Variants in ARHGAP8 observed in about 807,000 individuals in gnomAD.
ARHGAP8 encodes the protein Rho GTPase activating protein 8.
In ARHGAP8, 62 loss-of-function variants were observed where a neutral mutation model predicts 46.1. The observed-to-expected ratio is 1.34, with a 90% CI of 1.10 to 1.66. The LOEUF (loss-of-function observed/expected upper bound fraction) is 1.66, where lower values mean the gene tolerates loss of function less well. Ranked by LOEUF, ARHGAP8 falls within the 40% of genes most tolerant of loss-of-function variation. The pLI is 0.00. For synonymous variants in ARHGAP8, 375 were observed against 243.1 expected, an observed-to-expected ratio of 1.54 and a Z score of -5.05; for missense variants, 923 against 568.4, an observed-to-expected ratio of 1.62 and a Z score of -6.34.
intron 2 of ARHGAP8, among the ~76,000 whole-genome samples, chr22:44,789,843 C>T (rs975240731): frequency 1.3e-5 from 2 of 152,060 alleles, no homozygotes; most frequent in Non-Finnish European, 2.9e-5. Context: ...TCTTAAAGTC[C>T]GATTTTTCTG....
intron 2 of ARHGAP8, among the ~76,000 whole-genome samples, chr22:44,790,458 C>T (rs1296622789): frequency 2.0e-5 from 3 of 151,792 alleles, no homozygotes; most frequent in Non-Finnish European, 4.4e-5. Context: ...GGCGGGTCAC[C>T]TGAGGTCAGA....
Position 44,861,550 on chromosome 22 carries a change from C to T in ARHGAP8, c.982-725C>T, listed in dbSNP as rs543809664. Among the ~76,000 whole-genome samples the T allele has an allele frequency of 2.9e-4, 44 of 152,294 alleles. No individual in the cohort carries two copies. In the South Asian group the frequency reaches 8.5e-3, roughly 29 times the overall value. On this transcript the variant is annotated intron_variant, in intron 11 of 11. Transcript: ENST00000356099. ...TGAGGGTGGTGCCTGGCCCTGCCTC[C>T]CTCCAGTTCTCTGCTCTGCCCTGGT...
intron 1 of ARHGAP8, among the ~76,000 whole-genome samples, chr22:44,754,721 A>C (rs916104499): frequency 4.6e-5 from 7 of 152,146 alleles, no homozygotes; most frequent in African/African-American, 1.7e-4. Flanking sequence ...CATCTGCCTA[A>C]CAAGCCAGTT....
chr22:44,835,782 T>G (rs543009093), intron 7 of ARHGAP8, among the ~76,000 whole-genome samples: 1 of 152,314 alleles, frequency 6.6e-6, no homozygotes, highest in Non-Finnish European at 1.5e-5. Context: ...AGTTTCTCCT[T>G]ATCTCCCAGA....
At chr22:44,813,639 C>G (rs1019680334) in intron 4 of ARHGAP8, among the ~76,000 whole-genome samples, 1 of 150,930 alleles carries the variant, frequency 6.6e-6, no homozygotes, top group African/African-American at 2.4e-5. Context: ...CTACACACAC[C>G]TACACACACA....
intron 3 of ARHGAP8, among the ~76,000 whole-genome samples, chr22:44,806,945 C>CAGAATG (rs369851243): frequency 0.11 from 15,916 of 146,678 alleles, 1,298 homozygotes; most frequent in African/African-American, 0.22. Context: ...GCCTGGGTGA[C>CAGAATG]AGACTCTGTC....
intron 1 of ARHGAP8, among the ~76,000 whole-genome samples, chr22:44,767,475 A>T (rs2147003228): frequency 6.6e-6 from 1 of 151,776 alleles, no homozygotes; most frequent in East Asian, 1.9e-4. Context: ...ACACTAAGAA[A>T]ATTACCAGCA....
At chr22:44,835,231 CTA>C (rs71188491) in intron 7 of ARHGAP8, among the ~76,000 whole-genome samples, 33,031 of 146,786 alleles carry the variant, frequency 0.23, 3,792 homozygotes, top group East Asian at 0.32. Flanking sequence ...GTTTCTTTTG[CTA>C]TATATATATA....
chr22:44,763,294 C>T (rs1196763063), intron 1 of ARHGAP8, among the ~76,000 whole-genome samples: 1 of 151,722 alleles, frequency 6.6e-6, no homozygotes, highest in African/African-American at 2.4e-5. Flanking sequence ...GCCAGGAGTT[C>T]GAGACCAACC....
At chr22:44,767,984 C>CTTGTTT (rs1925708195) in intron 1 of ARHGAP8, among the ~76,000 whole-genome samples, 1 of 47,228 alleles carries the variant, frequency 2.1e-5, no homozygotes, top group Non-Finnish European at 3.6e-5. Context: ...CGCATGATGT[C>CTTGTTT]TTTTTTTTTT....
chr22:44,771,988 GCTTTCAGT>G (rs1290876162), intron 1 of ARHGAP8, among the ~76,000 whole-genome samples: 2 of 152,110 alleles, frequency 1.3e-5, no homozygotes, highest in Non-Finnish European at 2.9e-5. Context: ...TGTTCTGAGC[GCTTTCAGT>G]CTTTCAGTCT....
chr22:44,776,489 T>C (rs1926431084), intron 1 of ARHGAP8, among the ~76,000 whole-genome samples: 1 of 152,028 alleles, frequency 6.6e-6, no homozygotes, highest in Non-Finnish European at 1.5e-5. Flanking sequence ...ATCCTTGTAC[T>C]TGTTAAAATT....
At position 44,802,092 on chromosome 22, in the gene ARHGAP8, G is replaced by T; in HGVS notation, c.95G>T (p.Gly32Val). 1 of 1,614,134 alleles carries T rather than the reference G, an allele frequency of 6.2e-7. No homozygotes were observed. The highest frequency in any genetic ancestry group is 1.1e-5 in the South Asian group (1 of 91,084). The change falls in exon 3 of 12, where the codon GGA becomes GTA. Residue 32 changes from glycine (G) to valine (V), a missense_variant. Gly to Val is a moderately radical substitution (Grantham distance 109, BLOSUM62 -3). Coordinates refer to ENST00000356099, the MANE Select transcript of ARHGAP8 (RefSeq NM_181335.3). Reference sequence around the variant, plus strand: ...GCTCCTCCAGGGGATGACCGCTTTGGAAGACGTGTTGTCACGTTCAGCTGC... The same window carrying T: ...GCTCCTCCAGGGGATGACCGCTTTGTAAGACGTGTTGTCACGTTCAGCTGC... ...ILQVAGDDRF[G>V]RRVVTFSCCR...
At chr22:44,794,065 G>A (rs1019491291) in intron 2 of ARHGAP8, among the ~76,000 whole-genome samples, 19 of 152,296 alleles carry the variant, frequency 1.2e-4, no homozygotes, top group South Asian at 4.1e-4. Flanking sequence ...AGTCAGCCTC[G>A]GCCAGCTGCT....
rs545258608 is a variant in ARHGAP8, at chr22:44,804,893, C to T, written c.167+2729C>T. On this transcript the variant is annotated intron_variant, in intron 3 of 11. Transcript: ENST00000356099. ...CCTGGCGGGGAGCAGGTGCCGGGAGCGACTTCCACCAGTGCACCAGTGCTG... is the reference window on the plus strand; with the variant it reads ...CCTGGCGGGGAGCAGGTGCCGGGAGTGACTTCCACCAGTGCACCAGTGCTG... Among the ~76,000 whole-genome samples, 32 of 152,304 alleles carry T rather than the reference C, an allele frequency of 2.1e-4. 1 individual carries two copies. In the South Asian group the frequency reaches 5.8e-3, roughly 28 times the overall value.
At chr22:44,845,555 G>A (rs970345743) in intron 8 of ARHGAP8, among the ~76,000 whole-genome samples, 8 of 151,058 alleles carry the variant, frequency 5.3e-5, no homozygotes, top group African/African-American at 2.0e-4. Context: ...ACCTGGGGCA[G>A]TTACCCTCTC....
chr22:44,817,676 C>T (rs1030213720), intron 5 of ARHGAP8, among the ~76,000 whole-genome samples: 3 of 151,880 alleles, frequency 2.0e-5, no homozygotes, highest in Admixed American at 6.6e-5. Context: ...TGGTGGTGGG[C>T]GCGTATAATC....
chr22:44,770,374 G>A (rs1283423627), intron 1 of ARHGAP8, among the ~76,000 whole-genome samples: 1 of 151,394 alleles, frequency 6.6e-6, no homozygotes, highest in African/African-American at 2.4e-5. Flanking sequence ...TGCCAGGAAT[G>A]CAAAAGTCTG....
In ARHGAP8 at chr22:44,822,483, A is replaced by C; in HGVS notation, c.485+14A>C. The C allele has an allele frequency of 6.5e-7, 1 of 1,529,454 alleles. No homozygotes were observed. The highest frequency in any genetic ancestry group is 8.7e-7 in the Non-Finnish European group (1 of 1,147,406). 94.7% of individuals were successfully genotyped at this position (1,529,454 alleles called of 1,614,324 possible). The stretch of plus-strand genomic sequence containing the variant: ...CGAAGTTTTGCGGTAAGTGCCTGTT[A>C]GACCCCAGAAGCCGCATCAATACAT... On this transcript the variant is annotated intron_variant, in intron 6 of 11. Transcript: ENST00000356099.
Sources: allele counts gnomAD v4.1 joint callset (sites outside exome capture counted in the v4.1 genomes callset), GRCh38; gene constraint gnomAD v4.1.1; transcripts MANE v1.5; gene names NCBI Gene and HGNC (gene_info 2026-07-23, HGNC 2026-07-21).